The following CAMK2B variants were observed in gnomAD, a reference collection of about 807,000 sequenced individuals.
CAMK2B encodes the protein calcium/calmodulin-dependent protein kinase type II subunit beta.
A neutral mutation model predicts 93.7 loss-of-function variants in CAMK2B; 27 were observed. The observed-to-expected ratio is 0.29, with a 90% CI of 0.21 to 0.40. CAMK2B has a LOEUF of 0.40. Among genes scored for constraint, CAMK2B ranks in the 10% least tolerant of loss-of-function variants. The pLI is 1.00. For synonymous variants in CAMK2B, 374 were observed against 358.8 expected (o/e 1.04, Z -0.48); for missense variants, 568 against 895.8 (o/e 0.63, Z 4.67).
At chr7:44,250,739 A>G (rs1034918454) in intron 5 of CAMK2B, among the ~76,000 whole-genome samples, 2 of 152,144 alleles carry the variant, frequency 1.3e-5, no homozygotes, top group African/African-American at 4.8e-5. Flanking sequence ...CATGTTGGCC[A>G]AGATGTTTTC....
At position 44,311,671 on chromosome 7, in the gene CAMK2B, G is replaced by A. The variant is rs1020944001; in HGVS notation, c.65+13686C>T. 3.9e-5 allele frequency among the ~76,000 whole-genome samples: 6 copies of A among 152,130 alleles called. No individual in the cohort carries two copies. The highest frequency in any genetic ancestry group is 1.2e-4 in the African/African-American group (5 of 41,434). ...TGCGAGCACCACAGCCTGGCTCTGC[G>A]GTTCTGAGCTGTGTCATCCTTCACA... On this transcript the variant is annotated intron_variant, in intron 1 of 23. Coordinates refer to ENST00000395749, the MANE Select transcript of CAMK2B (RefSeq NM_001220.5). This position sits in a 1 kb window ranked among gnomAD's most constrained non-coding sequence, Gnocchi z 4.2.
At position 44,220,513 on chromosome 7, in the gene CAMK2B, G is replaced by T. The variant is rs1413938654; in HGVS notation, c.1768+103C>A. 7 of 1,058,074 alleles carry T rather than the reference G, an allele frequency of 6.6e-6. No homozygotes were observed. In the East Asian group the frequency reaches 1.5e-4, roughly 23 times the overall value. The allele number at this position is 1,058,074 out of a possible 1,614,324, so 65.5% of individuals were successfully genotyped here. Reference sequence around the variant, plus strand: ...GGCTGGCCAACCCTGGGCACAGAGGGGACAGGGCTTCCATAGGCAGCCACC... The same window carrying T: ...GGCTGGCCAACCCTGGGCACAGAGGTGACAGGGCTTCCATAGGCAGCCACC... On this transcript the variant is annotated intron_variant, in intron 22 of 23. Coordinates refer to ENST00000395749, the MANE Select transcript of CAMK2B (RefSeq NM_001220.5).
At chr7:44,220,356 C>A in intron 22 of CAMK2B, 62 bp from the exon 23 acceptor site, 1 of 1,295,452 alleles carries the variant, frequency 7.7e-7, no homozygotes, top group South Asian at 1.3e-5. Context: ...GCCCGTCTTC[C>A]ACCCCACCAG....
intron 1 of CAMK2B, among the ~76,000 whole-genome samples, chr7:44,319,880 G>C (rs144716201): frequency 4.3e-4 from 66 of 152,308 alleles, no homozygotes; most frequent in African/African-American, 1.3e-3. Context: ...ACAGATTGCA[G>C]AATCACATAT....
At chr7:44,279,488 C>T (rs760706683) in intron 2 of CAMK2B, among the ~76,000 whole-genome samples, 6 of 152,218 alleles carry the variant, frequency 3.9e-5, no homozygotes, top group South Asian at 2.1e-4. Flanking sequence ...AGGCATCCTG[C>T]GGGAAGGTCA....
chr7:44,229,329 C>G (rs2096555146), intron 18 of CAMK2B, 59 bp downstream of exon 18: 1 of 1,236,280 alleles, frequency 8.1e-7, no homozygotes, highest in African/African-American at 1.5e-5. Flanking sequence ...AGTGGCCCCT[C>G]TAGGGGGTTG....
rs1321679534 is a variant in CAMK2B, at chr7:44,271,763, G to A, written c.161-8699C>T. ...ACCCCAAAGTCAGCTTGGGCCATGC[G>A]GCAGGGACTGCCCATCCAGTCTCAG... On this transcript the variant is annotated intron_variant, in intron 2 of 23. Coordinates refer to ENST00000395749, the MANE Select transcript of CAMK2B (RefSeq NM_001220.5). This position sits in a 1 kb window ranked among gnomAD's most constrained non-coding sequence, Gnocchi z 4.2. Among the ~76,000 whole-genome samples the A allele has an allele frequency of 6.6e-6, 1 of 152,262 alleles. No individual in the cohort carries two copies. Among genetic ancestry groups the A allele is most frequent in the East Asian group, 1.9e-4 (1 of 5,204 alleles).
rs1355899561 is a variant in CAMK2B, at chr7:44,294,190, C to T, written c.66-9965G>A. ...GCCTCTCTTCTTGGGTCCTCCCTGC[C>T]CTCGCCAAAGTCCCCAACCCCAAGG... On this transcript the variant is annotated intron_variant, in intron 1 of 23. Coordinates refer to ENST00000395749, the MANE Select transcript of CAMK2B (RefSeq NM_001220.5). Among the ~76,000 whole-genome samples the T allele has an allele frequency of 2.6e-5, 4 of 152,292 alleles. No individual in the cohort carries two copies. The East Asian group carries it at 5.8e-4, about 22-fold the overall frequency.
At chr7:44,313,060 C>T (rs901970563) in intron 1 of CAMK2B, among the ~76,000 whole-genome samples, 15 of 152,210 alleles carry the variant, frequency 9.9e-5, no homozygotes, top group Non-Finnish European at 5.9e-5. Flanking sequence ...TGCGCTTCCT[C>T]AGCAGCGGCC....
chr7:44,279,597 C>T (rs540803280), intron 2 of CAMK2B, among the ~76,000 whole-genome samples: 4 of 152,292 alleles, frequency 2.6e-5, no homozygotes, highest in African/African-American at 9.6e-5. Flanking sequence ...AGTAAACAGG[C>T]TAGGCATACA....
chr7:44,292,863 C>G (rs1483960769), intron 1 of CAMK2B, among the ~76,000 whole-genome samples: 1 of 152,206 alleles, frequency 6.6e-6, no homozygotes, highest in Non-Finnish European at 1.5e-5. Flanking sequence ...AAACACTTGG[C>G]AAGAGCCAGG....
intron 13 of CAMK2B, among the ~76,000 whole-genome samples, chr7:44,237,944 C>A (rs1015218798): frequency 2.6e-5 from 4 of 152,180 alleles, no homozygotes; most frequent in Admixed American, 2.6e-4. Flanking sequence ...TACACCTGAT[C>A]AATGCAGGAG....
chr7:44,228,349 A>C (rs1400605190), intron 19 of CAMK2B, among the ~76,000 whole-genome samples: 1 of 152,072 alleles, frequency 6.6e-6, no homozygotes, highest in Admixed American at 6.5e-5. Context: ...GAGGGTGCTC[A>C]GGGGTTGGGG....
At chr7:44,274,600 A>G (rs927339922) in intron 2 of CAMK2B, among the ~76,000 whole-genome samples, 1 of 152,206 alleles carries the variant, frequency 6.6e-6, no homozygotes, top group Non-Finnish European at 1.5e-5. Context: ...CAACCAGCTC[A>G]GTCCTTAAGT....
At chr7:44,316,896 T>G (rs1169354175) in intron 1 of CAMK2B, among the ~76,000 whole-genome samples, 1 of 152,176 alleles carries the variant, frequency 6.6e-6, no homozygotes, top group African/African-American at 2.4e-5. Flanking sequence ...GGAGTCTTCT[T>G]TTTTCTTGGC....
intron 12 of CAMK2B, 126 bp downstream of exon 12, chr7:44,240,581 G>T: frequency 9.3e-7 from 1 of 1,072,974 alleles, no homozygotes; most frequent in Non-Finnish European, 1.4e-6. Flanking sequence ...TCAGAGCTGA[G>T]GGCAGACGCC....
At chr7:44,270,357 G>A (rs562686914) in intron 2 of CAMK2B, among the ~76,000 whole-genome samples, 7 of 152,262 alleles carry the variant, frequency 4.6e-5, no homozygotes, top group Admixed American at 1.3e-4. Flanking sequence ...CTGTGCCAGC[G>A]TCTGGTTCCT....
At chr7:44,289,715 T>TCCCCTGCC in intron 1 of CAMK2B, among the ~76,000 whole-genome samples, 2 of 152,344 alleles carry the variant, frequency 1.3e-5, no homozygotes, top group East Asian at 3.9e-4. Context: ...GGCAGTGTGA[T>TCCCCTGCC]TCTGCTCCCA....
intron 6 of CAMK2B, 146 bp downstream of exon 6, chr7:44,246,974 G>A: frequency 1.5e-6 from 1 of 658,632 alleles, no homozygotes; most frequent in South Asian, 1.8e-5. Flanking sequence ...ACTCCTCCAT[G>A]CATGCACACA....
Sources: allele counts gnomAD v4.1 joint callset (sites outside exome capture counted in the v4.1 genomes callset), GRCh38; gene constraint gnomAD v4.1.1; non-coding constraint Gnocchi (gnomAD v3.1); transcripts MANE v1.5; gene names NCBI Gene and HGNC (gene_info 2026-07-23, HGNC 2026-07-21).